The following FAM184A variants were observed in gnomAD, a reference collection of about 807,000 sequenced individuals.
FAM184A encodes protein FAM184A.
In FAM184A, 99 loss-of-function variants were observed where a neutral mutation model predicts 143.8. The ratio of observed to expected loss-of-function variants is 0.69; its 90% CI spans 0.58 to 0.81. FAM184A has a LOEUF of 0.81. Among genes scored for constraint, FAM184A ranks in the 40% least tolerant of loss-of-function variants. The pLI is 0.00. For missense variants in FAM184A, 1,217 were observed against 1,310.5 expected (o/e 0.93, Z 1.10); for synonymous variants, 427 against 446.4 (o/e 0.96, Z 0.55).
upstream of FAM184A, among the ~76,000 whole-genome samples, chr6:119,081,762 A>G (rs1788073501): frequency 6.6e-6 from 1 of 152,184 alleles, no homozygotes. Context: ...TGCCCCAGTC[A>G]AACTCCTTGT....
chr6:119,083,449 T>G (rs1178967095), upstream of FAM184A, among the ~76,000 whole-genome samples: 1 of 152,214 alleles, frequency 6.6e-6, no homozygotes, highest in Non-Finnish European at 1.5e-5. Context: ...CCCTTTTAAA[T>G]AGAAGTTCCA....
chr6:119,123,562 T>C (rs1308914999), intron 1 of FAM184A, among the ~76,000 whole-genome samples: 1 of 152,212 alleles, frequency 6.6e-6, no homozygotes, highest in Non-Finnish European at 1.5e-5. Context: ...TTGAGTTCTG[T>C]TAGGCCCTTA....
intron 1 of FAM184A, among the ~76,000 whole-genome samples, chr6:119,042,909 A>G (rs1023402416): frequency 3.9e-5 from 6 of 152,168 alleles, no homozygotes; most frequent in African/African-American, 1.4e-4. Flanking sequence ...AATTGCTCTA[A>G]AAGAGTAAAG....
chr6:119,136,720 T>C (rs1789679768), intron 1 of FAM184A, among the ~76,000 whole-genome samples: 1 of 152,236 alleles, frequency 6.6e-6, no homozygotes, highest in African/African-American at 2.4e-5. Context: ...CTCGCTTCAG[T>C]ATTTTTTCAA....
At chr6:119,125,916 T>C (rs808036) in intron 1 of FAM184A, among the ~76,000 whole-genome samples, 4,931 of 152,306 alleles carry the variant, frequency 0.032, 125 homozygotes, top group African/African-American at 0.064. Context: ...AGAGGGTCTA[T>C]TCATTTTCTA....
chr6:119,063,157 T>C (rs551125353), intron 1 of FAM184A, among the ~76,000 whole-genome samples: 4 of 152,316 alleles, frequency 2.6e-5, no homozygotes, highest in African/African-American at 9.6e-5. Flanking sequence ...TTCATTATTT[T>C]TCAGATGATA....
chr6:119,033,207 T>C (rs1785956446), intron 1 of FAM184A, among the ~76,000 whole-genome samples: 1 of 152,224 alleles, frequency 6.6e-6, no homozygotes, highest in Non-Finnish European at 1.5e-5. Context: ...TATGTCATCC[T>C]TACTGTATAA....
intron 1 of FAM184A, among the ~76,000 whole-genome samples, chr6:119,064,729 A>T (rs750025012): frequency 6.6e-6 from 1 of 152,044 alleles, no homozygotes; most frequent in Non-Finnish European, 1.5e-5. Flanking sequence ...CAAAAAACTG[A>T]TACCAAATAC....
chr6:119,144,171 C>CAAAAA (rs55990833), intron 1 of FAM184A, among the ~76,000 whole-genome samples: 3 of 144,262 alleles, frequency 2.1e-5, no homozygotes, highest in African/African-American at 7.7e-5. Context: ...ACTAAAAATA[C>CAAAAA]AAAAAAAAAA....
chr6:119,148,311 G>A (rs1772523155), intron 1 of FAM184A, among the ~76,000 whole-genome samples: 1 of 152,192 alleles, frequency 6.6e-6, no homozygotes, highest in South Asian at 2.1e-4. Flanking sequence ...AGGGAAGACT[G>A]TAACTGGGTT....
At chr6:119,125,518 G>A (rs539501814) in intron 1 of FAM184A, among the ~76,000 whole-genome samples, 8 of 152,214 alleles carry the variant, frequency 5.3e-5, no homozygotes, top group African/African-American at 1.7e-4. Flanking sequence ...TGATCTAGCC[G>A]CCTTGGCTTC....
At chr6:119,144,210 T>C (rs1032302321) in intron 1 of FAM184A, among the ~76,000 whole-genome samples, 1 of 149,832 alleles carries the variant, frequency 6.7e-6, no homozygotes. Context: ...GGCGGGCGCC[T>C]GTAGTCCCAG....
chr6:119,090,427 G>A (rs1472423008), intron 1 of FAM184A, among the ~76,000 whole-genome samples: 3 of 152,182 alleles, frequency 2.0e-5, no homozygotes, highest in Non-Finnish European at 4.4e-5. Flanking sequence ...AGTCAGGAAG[G>A]CAGAGAGATC....
intron 1 of FAM184A, among the ~76,000 whole-genome samples, chr6:119,029,353 A>T (rs1280058179): frequency 2.0e-5 from 3 of 152,220 alleles, no homozygotes; most frequent in Non-Finnish European, 2.9e-5. Flanking sequence ...TATTGAAATA[A>T]TCTTCTCTTT....
rs559051959 is a variant in FAM184A, at chr6:118,977,978, T to A, written c.2455+1387A>T. 7.9e-5 allele frequency among the ~76,000 whole-genome samples: 12 copies of A among 152,178 alleles called. No homozygotes were observed. The South Asian group carries it at 2.5e-3, about 32-fold the overall frequency. On this transcript the variant is annotated intron_variant, in intron 11 of 17. Coordinates refer to ENST00000338891, the MANE Select transcript of FAM184A (RefSeq NM_024581.6). ...ATTTTATTTATTTATTTATTTATTT[T>A]TTGAGACAGAGTTTTGCTCTTGTTG...
intron 1 of FAM184A, among the ~76,000 whole-genome samples, chr6:119,032,631 GAGGA>G (rs1785933511): frequency 6.8e-6 from 1 of 146,668 alleles, no homozygotes; most frequent in Non-Finnish European, 1.5e-5. Flanking sequence ...GGAGGAGGAG[GAGGA>G]AGGGAGGAAA....
intron 4 of FAM184A, among the ~76,000 whole-genome samples, chr6:119,019,353 A>C (rs1785368188): frequency 6.6e-6 from 1 of 152,352 alleles, no homozygotes; most frequent in South Asian, 2.1e-4. Context: ...AATTCTGTGG[A>C]CTGATGGTCA....
chr6:119,062,052 C>G (rs147944959), intron 1 of FAM184A, among the ~76,000 whole-genome samples: 1 of 152,188 alleles, frequency 6.6e-6, no homozygotes, highest in Non-Finnish European at 1.5e-5. Flanking sequence ...CCAAGACACA[C>G]TCTAGTCTTA....
chr6:119,119,657 T>A (rs1055797023), intron 1 of FAM184A, among the ~76,000 whole-genome samples: 6 of 152,096 alleles, frequency 3.9e-5, no homozygotes, highest in Non-Finnish European at 7.4e-5. Flanking sequence ...CATCAGTTTT[T>A]GCCTTTTTAA....
Sources: allele counts gnomAD v4.1 joint callset (sites outside exome capture counted in the v4.1 genomes callset), GRCh38; gene constraint gnomAD v4.1.1; transcripts MANE v1.5; gene names NCBI Gene and HGNC (gene_info 2026-07-23, HGNC 2026-07-21).